The following SLCO3A1 variants were observed in gnomAD, a reference collection of about 807,000 sequenced individuals.
The protein encoded by SLCO3A1 is PGE1 transporter.
SLCO3A1 carries 27 observed loss-of-function variants against 63.1 expected under a neutral mutation model. The ratio of observed to expected loss-of-function variants is 0.43; its 90% CI spans 0.32 to 0.59. The LOEUF is 0.59. Ranked by LOEUF, SLCO3A1 falls within the 20% of genes least tolerant of loss-of-function variation. SLCO3A1 has a pLI of 0.09. For synonymous variants in SLCO3A1, 473 were observed against 409.9 expected (o/e 1.15, Z -1.86); for missense variants, 773 against 945.8 (o/e 0.82, Z 2.40).
chr15:92,084,285 G>A (rs1460462423), intron 2 of SLCO3A1, among the ~76,000 whole-genome samples: 1 of 152,192 alleles, frequency 6.6e-6, no homozygotes, highest in Non-Finnish European at 1.5e-5. Flanking sequence ...CCTGCTGTTA[G>A]AGGCACCAGT....
intron 2 of SLCO3A1, among the ~76,000 whole-genome samples, chr15:91,993,668 T>C (rs1358549625): frequency 2.0e-5 from 3 of 152,222 alleles, no homozygotes; most frequent in Non-Finnish European, 4.4e-5. Context: ...CCTGCAAGAC[T>C]AGCTCCCAGT....
At chr15:92,048,571 T>C (rs1412246007) in intron 2 of SLCO3A1, among the ~76,000 whole-genome samples, 1 of 152,110 alleles carries the variant, frequency 6.6e-6, no homozygotes, top group East Asian at 1.9e-4. Flanking sequence ...CCCCCTACCA[T>C]GTAACCACCA....
intron 2 of SLCO3A1, among the ~76,000 whole-genome samples, chr15:92,086,977 C>T (rs771713786): frequency 8.9e-6 from 1 of 112,808 alleles, no homozygotes; most frequent in Non-Finnish European, 2.1e-5. Flanking sequence ...AGCAAAACTC[C>T]GTCTCAAAAA....
In SLCO3A1 at chr15:91,894,840, AG is replaced by A. The variant is rs201288074; in HGVS notation, c.181-21152del. 9.0e-3 allele frequency among the ~76,000 whole-genome samples: 1,367 copies of A among 152,314 alleles called. 14 individuals are homozygous for A. Among genetic ancestry groups the A allele is most frequent in the Middle Eastern group, 0.027 (8 of 294 alleles). On this transcript the variant is annotated intron_variant, in intron 1 of 9. Coordinates refer to ENST00000318445, the MANE Select transcript of SLCO3A1 (RefSeq NM_013272.4). The surrounding 1 kb of genome is among the most constrained non-coding windows in gnomAD (Gnocchi z 4.8). ...CTTCTGCCACACAGAGGCACAGAACAGTGAAACCCCCGGAGGGACAGGGAGT... is the reference window on the plus strand; with the variant it reads ...CTTCTGCCACACAGAGGCACAGAACATGAAACCCCCGGAGGGACAGGGAGT...
intron 2 of SLCO3A1, among the ~76,000 whole-genome samples, chr15:92,015,637 G>T (rs2046417739): frequency 6.6e-6 from 1 of 152,138 alleles, no homozygotes. Context: ...AGGCAGAACA[G>T]TAAGCAAGCA....
Position 92,116,553 on chromosome 15 carries a change from C to T in SLCO3A1, c.1010-3912C>T, listed in dbSNP as rs141848615. On this transcript the variant is annotated intron_variant, in intron 4 of 9. Coordinates refer to ENST00000318445, the MANE Select transcript of SLCO3A1 (RefSeq NM_013272.4). The stretch of plus-strand genomic sequence containing the variant: ...GGGGGTACATGGCTAAGAGAGTCTG[C>T]AGGTGTTCAATGGCCTGGTGTGGCC... Among the ~76,000 whole-genome samples the T allele has an allele frequency of 2.5e-3, 381 of 152,368 alleles. 4 individuals carry two copies. Among genetic ancestry groups the T allele is most frequent in the African/African-American group, 8.7e-3 (363 of 41,586 alleles).
At chr15:92,009,184 T>C (rs1468299887) in intron 2 of SLCO3A1, among the ~76,000 whole-genome samples, 1 of 152,188 alleles carries the variant, frequency 6.6e-6, no homozygotes. Context: ...TCCCCTGAGT[T>C]ACAGTTGGGA....
chr15:92,129,345 T>C (rs2047964947), intron 7 of SLCO3A1, among the ~76,000 whole-genome samples: 1 of 152,122 alleles, frequency 6.6e-6, no homozygotes, highest in Non-Finnish European at 1.5e-5. Flanking sequence ...CTCCTTTCAG[T>C]TTGTGGTGTT....
chr15:92,028,908 A>AGTAAGTGTGTGTGTGTGT (rs2046609965), intron 2 of SLCO3A1, among the ~76,000 whole-genome samples: 1 of 120,072 alleles, frequency 8.3e-6, no homozygotes, highest in African/African-American at 3.4e-5. Context: ...TGCAGGCACA[A>AGTAAGTGTGTGTGTGTGT]GTGTGTGTGT....
chr15:92,126,803 T>A (rs1449329890), intron 6 of SLCO3A1, among the ~76,000 whole-genome samples: 1 of 152,118 alleles, frequency 6.6e-6, no homozygotes, highest in Non-Finnish European at 1.5e-5. Flanking sequence ...GGGACTAGAG[T>A]CCAGTGAGAA....
At chr15:92,078,987 C>G (rs1212676371) in intron 2 of SLCO3A1, among the ~76,000 whole-genome samples, 1 of 152,222 alleles carries the variant, frequency 6.6e-6, no homozygotes, top group East Asian at 1.9e-4. Flanking sequence ...AACAGTTTAT[C>G]TTGTGTACCA....
chr15:92,127,875 C>A (rs1328255052), intron 6 of SLCO3A1, among the ~76,000 whole-genome samples: 1 of 152,122 alleles, frequency 6.6e-6, no homozygotes. Flanking sequence ...GAGACAAGAA[C>A]CAGCCCAAAG....
chr15:92,070,988 A>G (rs565195454), intron 2 of SLCO3A1, among the ~76,000 whole-genome samples: 1 of 152,206 alleles, frequency 6.6e-6, no homozygotes, highest in African/African-American at 2.4e-5. Flanking sequence ...GAGATCAGCA[A>G]TATATATGAG....
chr15:91,916,221 G>C lies in SLCO3A1; in HGVS notation c.409G>C (p.Ala137Pro). Reference protein sequence around the residue: ...EFLTHQYKYEAGEIRWGAEGR... With the variant: ...EFLTHQYKYEPGEIRWGAEGR... The stretch of plus-strand genomic sequence containing the variant: ...CCTGACCCACCAGTACAAGTACGAG[G>C]CGGGCGAGATCCGCTGGGGCGCCGA... The change falls in exon 2 of 10, where the codon GCG becomes CCG. Residue 137 changes from alanine (A) to proline (P), a missense_variant. Transcript: ENST00000318445. The surrounding 1 kb of genome is among the most constrained non-coding windows in gnomAD (Gnocchi z 6.2). The C allele has an allele frequency of 6.3e-7, 1 of 1,579,160 alleles. No homozygotes were observed. Among genetic ancestry groups the C allele is most frequent in the Non-Finnish European group, 8.6e-7 (1 of 1,164,576 alleles).
chr15:91,926,596 T>TGTGCGCGC lies in SLCO3A1; in HGVS notation c.646+10139_646+10140insTGCGCGCG. Among the ~76,000 whole-genome samples the TGTGCGCGC allele has an allele frequency of 4.7e-4, 50 of 105,312 alleles. 1 individual carries two copies. Among genetic ancestry groups the TGTGCGCGC allele is most frequent in the Admixed American group, 2.2e-3 (25 of 11,410 alleles). 69.1% of individuals were successfully genotyped at this position (105,312 alleles called of 152,430 possible). On this transcript the variant is annotated intron_variant, in intron 2 of 9. Transcript: ENST00000318445. ...GTGTGTGTGTGTGTGTGTGTGTGTGTGCGCGCGCGCACGCCCATGCTTATT... is the reference window on the plus strand; with the variant it reads ...GTGTGTGTGTGTGTGTGTGTGTGTGTGTGCGCGCGCGCGCGCGCACGCCCATGCTTATT...
chr15:92,115,520 C>T (rs551323946), intron 4 of SLCO3A1, among the ~76,000 whole-genome samples: 3 of 152,088 alleles, frequency 2.0e-5, no homozygotes, highest in Non-Finnish European at 4.4e-5. Flanking sequence ...TGAGCTCACA[C>T]CTGTGTGCCA....
At chr15:91,976,024 G>A (rs1285980127) in intron 2 of SLCO3A1, among the ~76,000 whole-genome samples, 2 of 152,150 alleles carry the variant, frequency 1.3e-5, no homozygotes, top group African/African-American at 4.8e-5. Context: ...GTGTGTAGAG[G>A]TGCCTTATTA....
At chr15:92,089,485 A>G (rs560500641) in intron 2 of SLCO3A1, among the ~76,000 whole-genome samples, 4 of 152,318 alleles carry the variant, frequency 2.6e-5, no homozygotes, top group African/African-American at 4.8e-5. Context: ...CCATTCTTCA[A>G]ACTCCACAAG....
At chr15:91,890,712 G>A (rs1211004467) in intron 1 of SLCO3A1, among the ~76,000 whole-genome samples, 1 of 152,176 alleles carries the variant, frequency 6.6e-6, no homozygotes, top group Non-Finnish European at 1.5e-5. Context: ...AAGGCAGGTT[G>A]ATTTAGCCTC....
Sources: allele counts gnomAD v4.1 joint callset (sites outside exome capture counted in the v4.1 genomes callset), GRCh38; gene constraint gnomAD v4.1.1; non-coding constraint Gnocchi (gnomAD v3.1); transcripts MANE v1.5; gene names NCBI Gene and HGNC (gene_info 2026-07-23, HGNC 2026-07-21).